The following NCKAP5 variants were observed in gnomAD, a reference collection of about 807,000 sequenced individuals.
NCKAP5 encodes nck-associated protein 5.
A neutral mutation model predicts 167.0 loss-of-function variants in NCKAP5; 92 were observed. The observed-to-expected ratio is 0.55, with a 90% CI of 0.47 to 0.66. NCKAP5 has a LOEUF of 0.66. Ranked by LOEUF, NCKAP5 falls within the 30% of genes least tolerant of loss-of-function variation. The pLI is 0.00. For synonymous variants in NCKAP5, 891 were observed against 877.4 expected (o/e 1.02, Z -0.27); for missense variants, 2,378 against 2,315.0 (o/e 1.03, Z -0.56).
At chr2:132,815,426 G>A (rs897434354) in intron 11 of NCKAP5, among the ~76,000 whole-genome samples, 7 of 152,156 alleles carry the variant, frequency 4.6e-5, no homozygotes, top group Admixed American at 1.3e-4. Flanking sequence ...GTATTCAGCC[G>A]ATTTTAAAGA....
chr2:132,776,765 A>T (rs1186106210), intron 15 of NCKAP5, among the ~76,000 whole-genome samples: 2 of 152,148 alleles, frequency 1.3e-5, no homozygotes, highest in African/African-American at 4.8e-5. Flanking sequence ...CCCCTTGCTA[A>T]TTATATTTTT....
intron 3 of NCKAP5, among the ~76,000 whole-genome samples, chr2:133,342,430 G>A (rs1464224000): frequency 2.0e-5 from 3 of 152,164 alleles, no homozygotes; most frequent in Admixed American, 1.3e-4. Context: ...TTAGAAGGCA[G>A]CAGGAGACAA....
At chr2:132,860,730 G>T in intron 10 of NCKAP5, 119 bp from the exon 11 acceptor site, 2 of 1,240,670 alleles carry the variant, frequency 1.6e-6, no homozygotes, top group Non-Finnish European at 1.1e-6. Context: ...ATTCTTCAAA[G>T]CCCCCAGAAG....
chr2:132,859,809 A>G (rs1486980955), intron 11 of NCKAP5, among the ~76,000 whole-genome samples: 1 of 152,226 alleles, frequency 6.6e-6, no homozygotes, highest in Non-Finnish European at 1.5e-5. Context: ...GATCGGAAAC[A>G]GCAAAGGTCA....
At chr2:133,651,869 G>C in the NCKAP5 span, among the ~76,000 whole-genome samples, 2 of 152,196 alleles carry the variant, frequency 1.3e-5, no homozygotes, top group African/African-American at 4.8e-5. Context: ...TGAACCTTGA[G>C]GACATTATCC....
At chr2:133,517,227 A>G (rs1304511865) in intron 3 of NCKAP5, among the ~76,000 whole-genome samples, 1 of 152,242 alleles carries the variant, frequency 6.6e-6, no homozygotes, top group Admixed American at 6.5e-5. Context: ...GTAATTATAT[A>G]TAATGTTGAC....
rs553142471 is a variant in NCKAP5, at chr2:132,730,410, A to C, written c.5443+1327T>G. Among the ~76,000 whole-genome samples, 3 of 152,342 alleles carry C rather than the reference A, an allele frequency of 2.0e-5. No individual in the cohort carries two copies. In the South Asian group the frequency reaches 6.2e-4, roughly 32 times the overall value. ...CTCAGGAGGCTGAGGCAAGAGACTC[A>C]GCTGAATCCAGGAAGTGGAGGTTGC... On this transcript the variant is annotated intron_variant, in intron 17 of 19. Transcript: ENST00000409261.
At chr2:133,440,981 C>T (rs1179243892) in intron 3 of NCKAP5, among the ~76,000 whole-genome samples, 1 of 152,096 alleles carries the variant, frequency 6.6e-6, no homozygotes, top group East Asian at 1.9e-4. Flanking sequence ...TTTTAAAACT[C>T]TTAATCTATA....
Position 133,553,126 on chromosome 2 carries a change from AG to A in NCKAP5, c.-62+5923del, listed in dbSNP as rs371739067. Among the ~76,000 whole-genome samples, 1,105 of 152,370 alleles carry A rather than the reference AG, an allele frequency of 7.3e-3. 15 individuals carry two copies. Among genetic ancestry groups the A allele is most frequent in the Middle Eastern group, 0.024 (7 of 294 alleles). On this transcript the variant is annotated intron_variant, in intron 2 of 19. Coordinates refer to ENST00000409261, the MANE Select transcript of NCKAP5 (RefSeq NM_207363.3). ...AAACCAAATGATAAAATAAATAAAAAGTAAACGGGCAGGATATAAGTGGGAA... is the reference window on the plus strand; with the variant it reads ...AAACCAAATGATAAAATAAATAAAAATAAACGGGCAGGATATAAGTGGGAA...
intron 5 of NCKAP5, among the ~76,000 whole-genome samples, chr2:133,141,808 T>C (rs1212355977): frequency 6.6e-6 from 1 of 152,190 alleles, no homozygotes; most frequent in Non-Finnish European, 1.5e-5. Context: ...CATTATTTCA[T>C]CGTAGATTAT....
chr2:133,588,936 G>T, the NCKAP5 span, among the ~76,000 whole-genome samples: 1 of 152,164 alleles, frequency 6.6e-6, no homozygotes, highest in Non-Finnish European at 1.5e-5. Flanking sequence ...GTGTGCCTTT[G>T]GGGAGGGAAT....
At chr2:133,132,474 A>G (rs2082637613) in intron 5 of NCKAP5, among the ~76,000 whole-genome samples, 1 of 129,712 alleles carries the variant, frequency 7.7e-6, no homozygotes, top group South Asian at 2.4e-4. Flanking sequence ...AAAACATGAA[A>G]AAAAAAGCAC....
chr2:133,406,490 C>G (rs770879708), intron 3 of NCKAP5, among the ~76,000 whole-genome samples: 10 of 148,456 alleles, frequency 6.7e-5, no homozygotes, highest in South Asian at 6.4e-4. Flanking sequence ...AATCCTCCCC[C>G]TTTTTACAGT....
the NCKAP5 span, among the ~76,000 whole-genome samples, chr2:133,626,809 T>A: frequency 6.6e-6 from 1 of 152,000 alleles, no homozygotes; most frequent in Non-Finnish European, 1.5e-5. Context: ...ACATAGGAAT[T>A]CACTATACTA....
chr2:132,768,939 C>CTTT (rs1226877275), intron 16 of NCKAP5, among the ~76,000 whole-genome samples: 11 of 116,312 alleles, frequency 9.5e-5, no homozygotes, highest in African/African-American at 1.0e-4. Flanking sequence ...ACACCTGGCC[C>CTTT]TTTTTTTTTT....
At chr2:133,031,705 C>T (rs111910798) in intron 6 of NCKAP5, among the ~76,000 whole-genome samples, 1,902 of 152,162 alleles carry the variant, frequency 0.012, 42 homozygotes, top group African/African-American at 0.043. Context: ...AAAGACACCC[C>T]TTCCTTCTAC....
At chr2:133,673,186 A>G in the NCKAP5 span, among the ~76,000 whole-genome samples, 2 of 152,072 alleles carry the variant, frequency 1.3e-5, no homozygotes, top group African/African-American at 4.8e-5. Flanking sequence ...TAGTCCTCTG[A>G]GTCATTAAGT....
chr2:132,920,131 T>G (rs965629721), intron 8 of NCKAP5, among the ~76,000 whole-genome samples: 3 of 129,114 alleles, frequency 2.3e-5, no homozygotes, highest in Admixed American at 8.3e-5. Context: ...CATCTGGCCT[T>G]TTCATGATTT....
At chr2:132,817,341 G>A (rs754592124) in intron 11 of NCKAP5, among the ~76,000 whole-genome samples, 7 of 151,982 alleles carry the variant, frequency 4.6e-5, no homozygotes, top group Non-Finnish European at 2.9e-5. Flanking sequence ...TCTTTCTCAC[G>A]GCTGCCATAA....
Sources: allele counts gnomAD v4.1 joint callset (sites outside exome capture counted in the v4.1 genomes callset), GRCh38; gene constraint gnomAD v4.1.1; transcripts MANE v1.5; gene names NCBI Gene and HGNC (gene_info 2026-07-23, HGNC 2026-07-21).